The following FAT3 variants were observed in gnomAD, a reference collection of about 807,000 sequenced individuals.
FAT3 encodes FAT atypical cadherin 3.
FAT3 carries 95 observed loss-of-function variants against 310.2 expected under a neutral mutation model. The observed-to-expected ratio is 0.31, with a 90% CI of 0.26 to 0.36. The LOEUF is 0.36. FAT3 is among the 10% of genes least tolerant of loss of function. FAT3 has a pLI of 1.00. For synonymous variants in FAT3, 2,314 were observed against 2,192.9 expected (o/e 1.06, Z -1.54); for missense variants, 5,408 against 5,715.6 (o/e 0.95, Z 1.74).
At chr11:92,690,944 T>C (rs1206035216) in intron 3 of FAT3, among the ~76,000 whole-genome samples, 1 of 152,236 alleles carries the variant, frequency 6.6e-6, no homozygotes, top group Non-Finnish European at 1.5e-5. Flanking sequence ...ATATTTTTAC[T>C]TTCCTCCTTT....
At chr11:92,345,105 G>T (rs1565241843) in intron 1 of FAT3, among the ~76,000 whole-genome samples, 1 of 151,958 alleles carries the variant, frequency 6.6e-6, no homozygotes, top group Admixed American at 6.6e-5. Context: ...GGAAATAGTG[G>T]GCTAGCTATT....
chr11:92,352,180 T>A lies in FAT3; in HGVS notation c.68T>A (p.Phe23Tyr). 2 of 1,372,868 alleles carry A rather than the reference T, an allele frequency of 1.5e-6. No individual in the cohort carries two copies. The highest frequency in any genetic ancestry group is 2.3e-5 in the South Asian group (2 of 88,046). The allele number at this position is 1,372,868 out of a possible 1,614,324, so 85.0% of individuals were successfully genotyped here. A position where few individuals can be genotyped will look rare whatever the true frequency, so the allele number is the denominator to read the frequency against. ...PPACCLILLL[F>Y]KLLATVSQGL... ...GCTTGTTGCCTCATCCTCCTGCTTT[T>A]CAAGCTTTTGGCCACTGTCTCCCAG... The change falls in exon 2 of 28, where the codon TTC (phenylalanine) becomes TAC (tyrosine). Residue 23 changes from phenylalanine (F) to tyrosine (Y), a missense_variant. Physicochemically the swap from Phe to Tyr is conservative, Grantham distance 22. Around this residue, in one of 5 missense-constraint regions of FAT3, gnomAD observed 152 missense variants for 188.3 expected, o/e 0.81. Coordinates refer to ENST00000525166, the MANE Select transcript of FAT3 (RefSeq NM_001367949.2).
At chr11:92,362,799 T>C (rs984886579) in intron 2 of FAT3, among the ~76,000 whole-genome samples, 1 of 152,250 alleles carries the variant, frequency 6.6e-6, no homozygotes, top group African/African-American at 2.4e-5. Context: ...AGTTTTAAAA[T>C]ATTTTGAATA....
chr11:92,395,535 TC>T (rs748102970), intron 2 of FAT3, among the ~76,000 whole-genome samples: 3 of 152,022 alleles, frequency 2.0e-5, no homozygotes, highest in Non-Finnish European at 1.5e-5. Context: ...TTGCATGCCT[TC>T]TTTTTCCTCC....
intron 2 of FAT3, among the ~76,000 whole-genome samples, chr11:92,499,715 G>T (rs1362847284): frequency 1.7e-5 from 2 of 115,458 alleles, no homozygotes; most frequent in Non-Finnish European, 3.6e-5. Flanking sequence ...GTGTGTGTAT[G>T]TGTGTGTATG....
chr11:92,495,627 T>C (rs889093887), intron 2 of FAT3, among the ~76,000 whole-genome samples: 1 of 152,058 alleles, frequency 6.6e-6, no homozygotes, highest in African/African-American at 2.4e-5. Context: ...GTTTCAATCA[T>C]TGACACATGG....
chr11:92,679,657 A>T (rs755311900), intron 3 of FAT3, among the ~76,000 whole-genome samples: 3 of 151,904 alleles, frequency 2.0e-5, no homozygotes, highest in African/African-American at 7.3e-5. Context: ...CCAGGCTAAC[A>T]TGGTGAAACC....
In FAT3 at chr11:92,532,142, C is replaced by T. The variant is rs559909228; in HGVS notation, c.3607+7194C>T. Reference sequence around the variant, plus strand: ...ATAACTATAACTATTATATGTAATACGTGTGTATGTATGTGTACATATATA... The same window carrying T: ...ATAACTATAACTATTATATGTAATATGTGTGTATGTATGTGTACATATATA... On this transcript the variant is annotated intron_variant, in intron 3 of 27. Transcript: ENST00000525166. Among the ~76,000 whole-genome samples, 22 of 151,912 alleles carry T rather than the reference C, an allele frequency of 1.4e-4. No individual in the cohort carries two copies. The South Asian group carries it at 2.9e-3, about 20-fold the overall frequency.
chr11:92,383,840 A>G (rs1447223160), intron 2 of FAT3, among the ~76,000 whole-genome samples: 1 of 152,220 alleles, frequency 6.6e-6, no homozygotes, highest in African/African-American at 2.4e-5. Flanking sequence ...GGAAAGAATT[A>G]AAAAGAGTGA....
At chr11:92,476,467 C>T (rs370630277) in intron 2 of FAT3, among the ~76,000 whole-genome samples, 2 of 152,130 alleles carry the variant, frequency 1.3e-5, no homozygotes, top group Admixed American at 1.3e-4. Flanking sequence ...TTGGTCTTAT[C>T]AGCAGACCAG....
intron 4 of FAT3, among the ~76,000 whole-genome samples, chr11:92,738,872 G>A (rs1362576947): frequency 4.6e-5 from 7 of 152,080 alleles, no homozygotes; most frequent in African/African-American, 9.7e-5. Context: ...AACTTTCCTA[G>A]TCAAGTCGTT....
chr11:92,225,931 G>C (rs1014698420), intron 1 of FAT3, among the ~76,000 whole-genome samples: 1 of 151,378 alleles, frequency 6.6e-6, no homozygotes, highest in Non-Finnish European at 1.5e-5. Flanking sequence ...GTGTGGGAAG[G>C]CTGCTTGTCT....
intron 8 of FAT3, among the ~76,000 whole-genome samples, chr11:92,791,999 G>A (rs769215728): frequency 2.0e-4 from 30 of 152,232 alleles, no homozygotes; most frequent in African/African-American, 6.5e-4. Context: ...TCATATTCCC[G>A]ATGGTCAGGG....
chr11:92,607,613 TA>T (rs1040697995), intron 3 of FAT3, among the ~76,000 whole-genome samples: 14 of 152,326 alleles, frequency 9.2e-5, no homozygotes, highest in African/African-American at 3.4e-4. Context: ...CAAGTAGAAC[TA>T]TACTTTAAAC....
chr11:92,511,285 TAA>T (rs1345488905), intron 2 of FAT3, among the ~76,000 whole-genome samples: 1 of 152,190 alleles, frequency 6.6e-6, no homozygotes, highest in Non-Finnish European at 1.5e-5. Flanking sequence ...TCATATGCGT[TAA>T]AGAAGTCTGA....
At chr11:92,826,866 G>A (rs915132176) in intron 13 of FAT3, among the ~76,000 whole-genome samples, 2 of 152,126 alleles carry the variant, frequency 1.3e-5, no homozygotes, top group South Asian at 2.1e-4. Context: ...AGAAGTCAGG[G>A]CAGCTGCCAG....
intron 2 of FAT3, among the ~76,000 whole-genome samples, chr11:92,401,607 C>T (rs1254104235): frequency 6.6e-6 from 1 of 152,104 alleles, no homozygotes; most frequent in Non-Finnish European, 1.5e-5. Flanking sequence ...TGAAACACAG[C>T]CTCACTGAAA....
At chr11:92,285,789 A>G (rs1946547270) in intron 1 of FAT3, among the ~76,000 whole-genome samples, 1 of 152,214 alleles carries the variant, frequency 6.6e-6, no homozygotes, top group African/African-American at 2.4e-5. Context: ...AAGAAGAAGT[A>G]TCTGTAGTCC....
At chr11:92,428,915 T>C (rs1054644933) in intron 2 of FAT3, among the ~76,000 whole-genome samples, 8 of 152,178 alleles carry the variant, frequency 5.3e-5, no homozygotes, top group African/African-American at 1.9e-4. Context: ...GAGAGCTGAG[T>C]TCAAGTCCTG....
Sources: allele counts gnomAD v4.1 joint callset (sites outside exome capture counted in the v4.1 genomes callset), GRCh38; gene constraint gnomAD v4.1.1; regional missense constraint gnomAD v4.1.1; transcripts MANE v1.5; gene names NCBI Gene and HGNC (gene_info 2026-07-23, HGNC 2026-07-21).